The following KCTD1 variants were observed in gnomAD, a reference collection of about 807,000 sequenced individuals.
The protein encoded by KCTD1 is potassium channel tetramerization domain containing 1.
Under a neutral mutation model 66.0 loss-of-function variants are expected in KCTD1, and 24 were observed. That is an observed-to-expected ratio of 0.36 (90% CI 0.26 to 0.51). The LOEUF (loss-of-function observed/expected upper bound fraction) is 0.51, where lower values mean the gene tolerates loss of function less well. Among genes scored for constraint, KCTD1 ranks in the 20% least tolerant of loss-of-function variants. KCTD1 has a pLI of 0.95. For missense variants in KCTD1, 943 were observed against 1,205.2 expected (o/e 0.78, Z 3.22); for synonymous variants, 511 against 517.2 (o/e 0.99, Z 0.16).
chr18:26,532,898 C>T (rs186518967), intron 1 of KCTD1, among the ~76,000 whole-genome samples: 1 of 152,322 alleles, frequency 6.6e-6, no homozygotes, highest in Non-Finnish European at 1.5e-5. Context: ...CCATGGGAAA[C>T]AAGACCTTCA....
intron 1 of KCTD1, among the ~76,000 whole-genome samples, chr18:26,604,488 A>T (rs1296551375): frequency 6.6e-6 from 1 of 152,242 alleles, no homozygotes; most frequent in Non-Finnish European, 1.5e-5. Flanking sequence ...TATTCACAAT[A>T]GCAGGATATG....
At chr18:26,603,692 G>A (rs1242960508) in intron 1 of KCTD1, among the ~76,000 whole-genome samples, 3 of 151,044 alleles carry the variant, frequency 2.0e-5, no homozygotes, top group Non-Finnish European at 4.4e-5. Flanking sequence ...GCAGTGGGCC[G>A]AGATTGTGCC....
chr18:26,550,565 GACACACACACACAC>G (rs60922405), upstream of KCTD1, among the ~76,000 whole-genome samples: 18 of 140,582 alleles, frequency 1.3e-4, 1 homozygote, highest in East Asian at 1.8e-3. The surrounding 1 kb of genome is among the most constrained non-coding windows in gnomAD (Gnocchi z 5.4). Flanking sequence ...AAGACACACA[GACACACACACACAC>G]ACACACACAC....
chr18:26,656,401 G>T (rs987961817), intron 1 of KCTD1, among the ~76,000 whole-genome samples: 3 of 152,308 alleles, frequency 2.0e-5, no homozygotes, highest in African/African-American at 7.2e-5. Flanking sequence ...AGGTGGGGAG[G>T]AAGAGGAATA....
intron 1 of KCTD1, among the ~76,000 whole-genome samples, chr18:26,606,429 T>C (rs1357027355): frequency 2.0e-5 from 3 of 152,222 alleles, no homozygotes; most frequent in Non-Finnish European, 2.9e-5. Context: ...GTTTACACTT[T>C]GTAGCTCCTT....
intron 1 of KCTD1, among the ~76,000 whole-genome samples, chr18:26,616,156 T>C (rs1321717104): frequency 3.9e-5 from 4 of 101,526 alleles, no homozygotes; most frequent in Non-Finnish European, 8.2e-5. Context: ...TTTTTTTTTT[T>C]CTTCTCTTTT....
At chr18:26,545,798 CT>C (rs1435382330) in intron 1 of KCTD1, 3 of 152,060 alleles carry the variant, frequency 2.0e-5, no homozygotes, top group African/African-American at 4.8e-5. Context: ...AAAGAAGAAT[CT>C]AACACTAGAG....
intron 1 of KCTD1, among the ~76,000 whole-genome samples, chr18:26,601,327 A>T (rs2023520): frequency 0.026 from 202 of 7,776 alleles, 14 homozygotes; most frequent in South Asian, 0.033. Flanking sequence ...GTTCATTGGT[A>T]AAAAAAAAAA....
chr18:26,494,060 G>C (rs764537686), intron 2 of KCTD1, among the ~76,000 whole-genome samples: 21 of 152,168 alleles, frequency 1.4e-4, no homozygotes, highest in Non-Finnish European at 2.5e-4. Flanking sequence ...GGAGCACACA[G>C]TAAGTCTGTT....
intron 3 of KCTD1, among the ~76,000 whole-genome samples, chr18:26,474,485 T>G (rs2144595758): frequency 6.6e-6 from 1 of 152,360 alleles, no homozygotes; most frequent in South Asian, 2.1e-4. Context: ...ATTACACATC[T>G]TTTTAATTTT....
chr18:26,474,872 C>G (rs1390812446), intron 3 of KCTD1, among the ~76,000 whole-genome samples: 1 of 151,906 alleles, frequency 6.6e-6, no homozygotes, highest in African/African-American at 2.4e-5. Flanking sequence ...TTTCATAATA[C>G]TTTTATTGCC....
chr18:26,638,596 C>T (rs901252713), intron 1 of KCTD1, among the ~76,000 whole-genome samples: 10 of 152,180 alleles, frequency 6.6e-5, no homozygotes, highest in African/African-American at 2.2e-4. Context: ...CTACGACATT[C>T]GTATTGGTCA....
At chr18:26,550,577 C>G (rs978585089), upstream of KCTD1, among the ~76,000 whole-genome samples, 23 of 150,642 alleles carry the variant, frequency 1.5e-4, no homozygotes, top group African/African-American at 4.7e-4. The surrounding 1 kb of genome is among the most constrained non-coding windows in gnomAD (Gnocchi z 5.4). Context: ...CACACACACA[C>G]ACACACACAC....
At position 26,476,698 on chromosome 18, in the gene KCTD1, C is replaced by A. The variant is rs374445028; in HGVS notation, c.1989-39G>T. 1.6e-5 allele frequency: 25 copies of A among 1,586,238 alleles called. No homozygotes were observed. The African/African-American group carries it at 2.8e-4, about 18-fold the overall frequency. Reference sequence around the variant, plus strand: ...GAGGGAACAGTGAAGACAATTAGATCAATTGTTCGGGCACTAGGACTAAGA... The same window carrying A: ...GAGGGAACAGTGAAGACAATTAGATAAATTGTTCGGGCACTAGGACTAAGA... On this transcript the variant is annotated intron_variant, in intron 2 of 4. Coordinates refer to ENST00000580059, the MANE Select transcript of KCTD1 (RefSeq NM_001142730.3). The surrounding 1 kb of genome is among the most constrained non-coding windows in gnomAD (Gnocchi z 4.9).
At chr18:26,511,980 G>A (rs752208943) in intron 1 of KCTD1, among the ~76,000 whole-genome samples, 5 of 152,096 alleles carry the variant, frequency 3.3e-5, no homozygotes, top group Admixed American at 6.5e-5. Flanking sequence ...AGGACACATC[G>A]GCCTCTAAAT....
intron 3 of KCTD1, among the ~76,000 whole-genome samples, chr18:26,474,022 T>G (rs913957993): frequency 2.0e-5 from 3 of 152,210 alleles, no homozygotes; most frequent in African/African-American, 7.2e-5. Flanking sequence ...CCCCTGAGCT[T>G]CTTATTAACT....
At chr18:26,477,262 G>A (rs941183938) in intron 2 of KCTD1, among the ~76,000 whole-genome samples, 2 of 152,066 alleles carry the variant, frequency 1.3e-5, no homozygotes, top group African/African-American at 2.4e-5. Flanking sequence ...TAACAGCCAG[G>A]CACCATTACA....
upstream of KCTD1, among the ~76,000 whole-genome samples, chr18:26,551,110 A>G (rs1339742886): frequency 6.6e-6 from 1 of 151,884 alleles, no homozygotes; most frequent in East Asian, 1.9e-4. Context: ...TCCCCTCCCT[A>G]CTGGGCGAGC....
chr18:26,645,063 G>T (rs1328118795), upstream of KCTD1, among the ~76,000 whole-genome samples: 5 of 152,184 alleles, frequency 3.3e-5, no homozygotes, highest in Admixed American at 3.3e-4. Flanking sequence ...TAGTAATTCT[G>T]AGAGTTAAAT....
Sources: gnomAD v4.1 joint callset for allele counts (sites outside exome capture counted in the v4.1 genomes callset) on GRCh38, gnomAD v4.1.1 for gene constraint, Gnocchi (gnomAD v3.1) non-coding constraint, MANE v1.5 for transcripts, NCBI Gene and HGNC (gene_info 2026-07-23, HGNC 2026-07-21) for gene names.